CFAP221: variants seen among roughly 807,000 people sequenced by gnomAD.
CFAP221 encodes the protein cilia and flagella associated protein 221.
A neutral mutation model predicts 113.1 loss-of-function variants in CFAP221; 97 were observed. The ratio of observed to expected loss-of-function variants is 0.86; its 90% CI spans 0.73 to 1.02. The LOEUF (loss-of-function observed/expected upper bound fraction) is 1.02, where lower values mean the gene tolerates loss of function less well. Ranked by LOEUF, CFAP221 falls within the 50% of genes least tolerant of loss-of-function variation. The probability of loss-of-function intolerance (pLI) is 0.00; values close to 1 mark genes in which losing one functional copy is unlikely to be tolerated. For missense variants in CFAP221, 1,025 were observed against 1,013.4 expected, an observed-to-expected ratio of 1.01 and a Z score of -0.16; for synonymous variants, 331 against 354.4, an observed-to-expected ratio of 0.93 and a Z score of 0.74.
chr2:119,549,216 A>G (rs1680258334), intron 3 of CFAP221, 31 bp downstream of exon 3: 2 of 1,437,998 alleles, frequency 1.4e-6, no homozygotes, highest in Non-Finnish European at 1.9e-6. Context: ...ATAATTAATC[A>G]TCATAATGAA....
At chr2:119,595,608 G>C (rs1331594019) in intron 7 of CFAP221, among the ~76,000 whole-genome samples, 1 of 152,128 alleles carries the variant, frequency 6.6e-6, no homozygotes, top group Non-Finnish European at 1.5e-5. Context: ...CTGAGCGCCT[G>C]CTGGGCATCA....
chr2:119,612,172 T>C (rs1685217100), intron 13 of CFAP221, among the ~76,000 whole-genome samples: 1 of 152,242 alleles, frequency 6.6e-6, no homozygotes, highest in South Asian at 2.1e-4. Context: ...GCAAGCCTCT[T>C]GGCTGTGGTG....
intron 6 of CFAP221, among the ~76,000 whole-genome samples, chr2:119,574,102 C>T (rs1207602500): frequency 1.3e-5 from 2 of 152,140 alleles, no homozygotes; most frequent in Admixed American, 1.3e-4. Flanking sequence ...CAGTGTTGAC[C>T]TTATAAAAGC....
At position 119,656,424 on chromosome 2, in the gene CFAP221, G is replaced by C. The variant is rs779588165; in HGVS notation, c.2477G>C (p.Arg826Thr). The change falls in exon 24 of 24, where the codon AGG becomes ACG. Residue 826 changes from arginine to threonine, a missense_variant. Physicochemically the swap from Arg to Thr is moderately conservative, Grantham distance 71 (BLOSUM62 -1). Transcript: ENST00000413369. ...GGAGAGAAGCTGCTCGAGGAGATGA[G>C]GAACCTGCGGGGCAAAGCACTCAAC... ...KAGEKLLEEM[R>T]NLRGKALNTY... 1 of 1,614,030 alleles carries C rather than the reference G, an allele frequency of 6.2e-7. No homozygotes were observed. The highest frequency in any genetic ancestry group is 1.7e-5 in the Admixed American group (1 of 60,010).
chr2:119,572,204 T>C (rs911982971), intron 6 of CFAP221, among the ~76,000 whole-genome samples: 1 of 152,234 alleles, frequency 6.6e-6, no homozygotes, highest in African/African-American at 2.4e-5. Context: ...TCTGGTAAAA[T>C]GTATTTTGAC....
intron 20 of CFAP221, 41 bp from the exon 21 acceptor site, chr2:119,639,739 CT>C: frequency 1.3e-6 from 2 of 1,506,782 alleles, no homozygotes; most frequent in African/African-American, 1.4e-5. Context: ...GAAACTTTAC[CT>C]CACCAAACAG....
chr2:119,614,330 T>A (rs1685383123), intron 13 of CFAP221, among the ~76,000 whole-genome samples: 1 of 152,266 alleles, frequency 6.6e-6, no homozygotes, highest in African/African-American at 2.4e-5. Flanking sequence ...TTTTTGAGTA[T>A]TTTTATAGTA....
chr2:119,627,872 A>T (rs976476793), intron 16 of CFAP221, 86 bp downstream of exon 16: 5 of 1,534,850 alleles, frequency 3.3e-6, no homozygotes, highest in Non-Finnish European at 3.5e-6. Context: ...CCTCAGTCTC[A>T]GTCCCTTCAC....
intron 1 of CFAP221, chr2:119,545,202 G>A (rs1440494506): frequency 6.6e-6 from 1 of 152,268 alleles, no homozygotes; most frequent in Non-Finnish European, 1.5e-5. Context: ...AACACACAAA[G>A]ATCCACACTA....
intron 20 of CFAP221, among the ~76,000 whole-genome samples, chr2:119,639,019 T>C (rs925056015): frequency 6.6e-6 from 1 of 152,078 alleles, no homozygotes; most frequent in Non-Finnish European, 1.5e-5. Context: ...CTTTGTGTAG[T>C]TACCCATGAG....
At chr2:119,618,701 A>T (rs1439373653) in intron 14 of CFAP221, among the ~76,000 whole-genome samples, 1 of 152,072 alleles carries the variant, frequency 6.6e-6, no homozygotes, top group Non-Finnish European at 1.5e-5. Flanking sequence ...AGTTTTTTTC[A>T]TACCCCAGTG....
intron 3 of CFAP221, among the ~76,000 whole-genome samples, chr2:119,555,512 T>C (rs1680728995): frequency 6.6e-6 from 1 of 152,250 alleles, no homozygotes; most frequent in South Asian, 2.1e-4. Context: ...TTTGAATGAT[T>C]ATTATTTTCC....
chr2:119,646,935 C>A (rs1286798933), intron 21 of CFAP221, 23 bp from the exon 22 acceptor site: 1 of 1,590,926 alleles, frequency 6.3e-7, no homozygotes, highest in East Asian at 2.2e-5. Context: ...CTATCTTTGA[C>A]TGCTTGTGTG....
chr2:119,634,176 A>T (rs776669964), intron 19 of CFAP221, among the ~76,000 whole-genome samples: 3 of 152,200 alleles, frequency 2.0e-5, no homozygotes, highest in African/African-American at 7.2e-5. Flanking sequence ...ATATGTTTCC[A>T]GAAGTATTAA....
Position 119,587,129 on chromosome 2 carries a change from G to C in CFAP221, c.538G>C (p.Val180Leu). 15 of 1,515,258 alleles carry C rather than the reference G, an allele frequency of 9.9e-6. No homozygotes were observed. The highest frequency in any genetic ancestry group is 1.3e-5 in the Non-Finnish European group (15 of 1,137,706). The allele number at this position is 1,515,258 out of a possible 1,614,324, so 93.9% of individuals were successfully genotyped here. A position where few individuals can be genotyped will look rare whatever the true frequency, so the allele number is the denominator to read the frequency against. ...NVLLGESKTY[V>L]IPLQCSCPVD... ...TTGTTTGTTTTGCAGCAAAACTTATGTTATTCCTTTGCAGTGCAGCTGCCC... is the reference window on the plus strand; with the variant it reads ...TTGTTTGTTTTGCAGCAAAACTTATCTTATTCCTTTGCAGTGCAGCTGCCC... Residue 180 changes from valine (V) to leucine (L), a missense_variant, in exon 7 of 24, where the codon GTT (valine) becomes CTT (leucine). Transcript: ENST00000413369.
At chr2:119,650,299 G>A (rs1688049665) in intron 22 of CFAP221, among the ~76,000 whole-genome samples, 1 of 152,198 alleles carries the variant, frequency 6.6e-6, no homozygotes, top group South Asian at 2.1e-4. Context: ...TGAGCTTCTA[G>A]AGCTTGGACT....
chr2:119,566,318 T>A (rs980929158), intron 6 of CFAP221, among the ~76,000 whole-genome samples: 2 of 152,116 alleles, frequency 1.3e-5, no homozygotes, highest in African/African-American at 2.4e-5. Flanking sequence ...CACTAACAAT[T>A]CTGAATATTG....
At chr2:119,656,273 C>T (rs576753056) in intron 23 of CFAP221, 89 bp from the exon 24 acceptor site, 110 of 985,254 alleles carry the variant, frequency 1.1e-4, no homozygotes, top group African/African-American at 6.3e-4. Context: ...AATGCTCCTC[C>T]GACCTTCACC....
intron 6 of CFAP221, among the ~76,000 whole-genome samples, chr2:119,562,672 T>A (rs1261855844): frequency 6.6e-6 from 1 of 152,216 alleles, no homozygotes; most frequent in African/African-American, 2.4e-5. Context: ...GATTCTCTCC[T>A]TTTTTTGGTG....
Sources: allele counts gnomAD v4.1 joint callset (sites outside exome capture counted in the v4.1 genomes callset), GRCh38; gene constraint gnomAD v4.1.1; transcripts MANE v1.5; gene names NCBI Gene and HGNC (gene_info 2026-07-23, HGNC 2026-07-21).